Variants in SPSB4 observed in about 807,000 individuals in gnomAD.
SPSB4 encodes the protein SPRY domain-containing SOCS box protein 4.
SPSB4 carries 21 observed loss-of-function variants against 20.9 expected under a neutral mutation model. The ratio of observed to expected loss-of-function variants is 1.01; its 90% CI spans 0.71 to 1.45. SPSB4 has a LOEUF of 1.45. Among genes scored for constraint, SPSB4 ranks in the 40% most tolerant of loss-of-function variants. The pLI is 0.00. For synonymous variants in SPSB4, 207 were observed against 183.8 expected, an observed-to-expected ratio of 1.13 and a Z score of -1.02; for missense variants, 399 against 399.2, an observed-to-expected ratio of 1.00 and a Z score of 0.00.
At chr3:141,123,733 G>A (rs1939007415) in intron 2 of SPSB4, among the ~76,000 whole-genome samples, 1 of 152,204 alleles carries the variant, frequency 6.6e-6, no homozygotes, top group African/African-American at 2.4e-5. Flanking sequence ...GGGCAGCTGG[G>A]TTGTTCCAGT....
chr3:141,121,415 T>A (rs1278149646), intron 2 of SPSB4, among the ~76,000 whole-genome samples: 1 of 152,200 alleles, frequency 6.6e-6, no homozygotes, highest in Non-Finnish European at 1.5e-5. Context: ...TCAAGGAGTA[T>A]CTTTGTGGTA....
At chr3:141,141,364 G>A (rs1033207928) in intron 2 of SPSB4, among the ~76,000 whole-genome samples, 1 of 152,194 alleles carries the variant, frequency 6.6e-6, no homozygotes, top group African/African-American at 2.4e-5. Flanking sequence ...GCACTCCCCT[G>A]TGAGATGAAC....
intron 2 of SPSB4, among the ~76,000 whole-genome samples, chr3:141,107,971 TA>T (rs1417989142): frequency 1.4e-5 from 2 of 143,510 alleles, no homozygotes; most frequent in Non-Finnish European, 3.1e-5. Flanking sequence ...AAAAATAAAA[TA>T]AAAGATTTTT....
chr3:141,136,625 G>A (rs942896577), intron 2 of SPSB4, among the ~76,000 whole-genome samples: 2 of 152,178 alleles, frequency 1.3e-5, no homozygotes, highest in African/African-American at 4.8e-5. Context: ...GTTTTTGTCA[G>A]GTTTGTCAAA....
rs572544364 is a variant in SPSB4 at position 141,099,285 on chromosome 3, C to T, written c.694+32487C>T. ...CTGCAAGCTCTGCCTCCTGGGTTCA[C>T]GCCATTCTCCTGCCTCAGCCTCCCG... On this transcript the variant is annotated intron_variant, in intron 2 of 2. Transcript: ENST00000310546. 1.7e-4 allele frequency among the ~76,000 whole-genome samples: 26 copies of T among 151,562 alleles called. No individual in the cohort carries two copies. The East Asian group carries it at 3.3e-3, about 19-fold the overall frequency.
chr3:141,111,515 C>G (rs535211146), intron 2 of SPSB4, among the ~76,000 whole-genome samples: 5 of 151,852 alleles, frequency 3.3e-5, no homozygotes, highest in African/African-American at 9.7e-5. Context: ...ATTTTTGGTC[C>G]CTAGATTGAA....
Position 141,066,747 on chromosome 3 carries a change from G to GC in SPSB4, c.645dup (p.Val216ArgfsTer6), listed in dbSNP as rs779445568. 6.3e-7 allele frequency: 1 copy of GC among 1,592,462 alleles called. No individual in the cohort carries two copies. The highest frequency in any genetic ancestry group is 8.6e-7 in the Non-Finnish European group (1 of 1,168,158). The stretch of plus-strand genomic sequence containing the variant: ...CAAGAAGCTGTACCCGGTGGTGAGT[G>GC]CCGTGTGGGGCCACTGTGAAGTCAC... On this transcript the variant is annotated frameshift_variant, in exon 2 of 3. Transcript: ENST00000310546. LOFTEE classifies it high-confidence loss of function.
rs1937873209 is a variant in SPSB4, at chr3:141,066,334, G to GA, written c.230_231insA (p.His78AlafsTer59). ...GACGACGACCGGCTCACCTTCCACC[G>GA]GCACCCCGTGGCCCAGAGCACCGAC... On this transcript the variant is annotated frameshift_variant, in exon 2 of 3. Coordinates refer to ENST00000310546, the MANE Select transcript of SPSB4 (RefSeq NM_080862.3). LOFTEE classifies it high-confidence loss of function. The GA allele has an allele frequency of 1.3e-6, 2 of 1,564,254 alleles. No individual in the cohort carries two copies. Among genetic ancestry groups the GA allele is most frequent in the Non-Finnish European group, 1.7e-6 (2 of 1,156,662 alleles).
chr3:141,116,038 A>C (rs1011063666), intron 2 of SPSB4, among the ~76,000 whole-genome samples: 8 of 152,222 alleles, frequency 5.3e-5, no homozygotes, highest in Admixed American at 4.6e-4. Flanking sequence ...CTTCATATTA[A>C]GCCCCTGGGG....
intron 2 of SPSB4, among the ~76,000 whole-genome samples, chr3:141,131,419 G>A (rs913771628): frequency 9.9e-5 from 15 of 152,170 alleles, no homozygotes; most frequent in African/African-American, 3.6e-4. Context: ...GCTTGATGAT[G>A]TTTACAAACA....
intron 2 of SPSB4, among the ~76,000 whole-genome samples, chr3:141,086,839 G>A (rs1050370665): frequency 2.0e-5 from 3 of 152,216 alleles, no homozygotes; most frequent in African/African-American, 7.2e-5. Flanking sequence ...ATAGAGGCAG[G>A]TGGTGTTAAC....
chr3:141,131,647 T>C (rs1576541548), intron 2 of SPSB4, among the ~76,000 whole-genome samples: 3 of 152,228 alleles, frequency 2.0e-5, no homozygotes, highest in Non-Finnish European at 4.4e-5. Context: ...TCCATGCTTT[T>C]ACATATAATT....
Position 141,051,391 on chromosome 3 carries a change from G to A in SPSB4, c.-755G>A. ...GCCTCCGGGCCGGCCGGGAAGGCGG[G>A]GAGCGGGCGGCGGCGGCGGAGGAGG... On this transcript the variant is annotated 5_prime_UTR_variant, in exon 1 of 3. Transcript: ENST00000310546. 1 of 155,904 alleles carries A rather than the reference G, an allele frequency of 6.4e-6. No individual in the cohort carries two copies. The highest frequency in any genetic ancestry group is 1.9e-4 in the East Asian group (1 of 5,264). The allele number at this position is 155,904 out of a possible 1,614,324, so 9.7% of individuals were successfully genotyped here. A position where few individuals can be genotyped will look rare whatever the true frequency, so the allele number is the denominator to read the frequency against.
chr3:141,122,927 G>C (rs1237161341), intron 2 of SPSB4, among the ~76,000 whole-genome samples: 1 of 152,180 alleles, frequency 6.6e-6, no homozygotes, highest in African/African-American at 2.4e-5. Flanking sequence ...TCCTGCTTCC[G>C]CTTGCCCTCC....
At position 141,107,315 on chromosome 3, in the gene SPSB4, T is replaced by TA. The variant is rs202138592; in HGVS notation, c.695-39825dup. Among the ~76,000 whole-genome samples the TA allele has an allele frequency of 9.7e-3, 1,479 of 152,362 alleles. 27 individuals are homozygous for TA. The highest frequency in any genetic ancestry group is 0.034 in the African/African-American group (1,418 of 41,568). On this transcript the variant is annotated intron_variant, in intron 2 of 2. Transcript: ENST00000310546. ...TTATCTTTTGAGTAAATCAGAGTGATAAGACTATCTTAATGGTAATGTCGC... is the reference window on the plus strand; with the variant it reads ...TTATCTTTTGAGTAAATCAGAGTGATAAAGACTATCTTAATGGTAATGTCGC...
chr3:141,111,091 A>G (rs1266709234), intron 2 of SPSB4, among the ~76,000 whole-genome samples: 1 of 152,216 alleles, frequency 6.6e-6, no homozygotes, highest in African/African-American at 2.4e-5. Flanking sequence ...AACCTCTCAG[A>G]GCCTCATTTA....
chr3:141,129,718 G>T (rs1939105136), intron 2 of SPSB4, among the ~76,000 whole-genome samples: 1 of 152,226 alleles, frequency 6.6e-6, no homozygotes, highest in Non-Finnish European at 1.5e-5. Flanking sequence ...ACACGGTTCA[G>T]CTGGAACATT....
chr3:141,139,362 A>C (rs1317753366), intron 2 of SPSB4, among the ~76,000 whole-genome samples: 1 of 152,110 alleles, frequency 6.6e-6, no homozygotes, highest in Non-Finnish European at 1.5e-5. Flanking sequence ...TTATGTGTGA[A>C]TGTGATCCTG....
intron 2 of SPSB4, among the ~76,000 whole-genome samples, chr3:141,143,378 G>A (rs912892491): frequency 6.6e-6 from 1 of 152,178 alleles, no homozygotes; most frequent in Non-Finnish European, 1.5e-5. Context: ...TGCAAAGATT[G>A]GTATTGCTCT....
Sources: allele counts gnomAD v4.1 joint callset (sites outside exome capture counted in the v4.1 genomes callset), GRCh38; gene constraint gnomAD v4.1.1; transcripts MANE v1.5; gene names NCBI Gene and HGNC (gene_info 2026-07-23, HGNC 2026-07-21).